CYP2J2: variants seen among roughly 807,000 people sequenced by gnomAD.
CYP2J2 encodes the protein cytochrome P450 2J2.
A neutral mutation model predicts 48.8 loss-of-function variants in CYP2J2; 41 were observed. The observed-to-expected ratio is 0.84, with a 90% CI of 0.66 to 1.09. The LOEUF is 1.09. Among genes scored for constraint, CYP2J2 ranks in the 50% least tolerant of loss-of-function variants. The pLI, the probability that CYP2J2 is intolerant of heterozygous loss-of-function variation, is 0.00. For missense variants in CYP2J2, 644 were observed against 617.3 expected, an observed-to-expected ratio of 1.04 and a Z score of -0.46; for synonymous variants, 221 against 227.1, an observed-to-expected ratio of 0.97 and a Z score of 0.24.
chr1:59,907,362 G>A (rs1644373659), intron 6 of CYP2J2, among the ~76,000 whole-genome samples: 1 of 152,156 alleles, frequency 6.6e-6, no homozygotes, highest in Non-Finnish European at 1.5e-5. Context: ...GGTAGGTGCG[G>A]CCAAGGCTAG....
chr1:59,935,025 T>TATATATATATATATATAC, the CYP2J2 span, among the ~76,000 whole-genome samples: 110 of 85,820 alleles, frequency 1.3e-3, 3 homozygotes, highest in East Asian at 7.0e-3. Context: ...CATATATATA[T>TATATATATATATATATAC]ATATATATAT....
At chr1:59,918,896 G>A (rs1482952895) in intron 1 of CYP2J2, among the ~76,000 whole-genome samples, 1 of 152,106 alleles carries the variant, frequency 6.6e-6, no homozygotes, top group African/African-American at 2.4e-5. Flanking sequence ...CAAAATAAAT[G>A]TTTACAGTAA....
chr1:59,894,886 C>T (rs911509615), intron 8 of CYP2J2, among the ~76,000 whole-genome samples: 1 of 152,136 alleles, frequency 6.6e-6, no homozygotes, highest in Admixed American at 6.5e-5. Context: ...ATTACTCAAA[C>T]AGCTTTCTGT....
the CYP2J2 span, among the ~76,000 whole-genome samples, chr1:59,936,053 C>A: frequency 1.3e-5 from 2 of 152,314 alleles, no homozygotes; most frequent in African/African-American, 4.8e-5. Context: ...AGGCGTGAGC[C>A]ACTGCGTCTG....
the CYP2J2 span, among the ~76,000 whole-genome samples, chr1:59,967,362 C>T: frequency 6.6e-6 from 1 of 152,190 alleles, no homozygotes; most frequent in Non-Finnish European, 1.5e-5. Flanking sequence ...ATGAGCCTGT[C>T]GGCTGGAAGA....
the CYP2J2 span, among the ~76,000 whole-genome samples, chr1:59,944,436 T>C: frequency 2.0e-5 from 3 of 152,208 alleles, no homozygotes; most frequent in Admixed American, 2.0e-4. Flanking sequence ...TTGGACAGGC[T>C]GGTCTTGAAC....
At chr1:59,900,852 A>T in intron 8 of CYP2J2, 113 bp downstream of exon 8, 1 of 1,228,112 alleles carries the variant, frequency 8.1e-7, no homozygotes, top group South Asian at 1.4e-5. Flanking sequence ...AGTGAGTCGC[A>T]CTGGCCAGGC....
In CYP2J2 at chr1:59,912,041, G is replaced by C. The variant is rs1210292652; in HGVS notation, c.523+121C>G. ...CTCTTTGAGGACAGAGTTGTTCACTGTTCTATCTTCCATTCCTAGCACAGT... is the reference window on the plus strand; with the variant it reads ...CTCTTTGAGGACAGAGTTGTTCACTCTTCTATCTTCCATTCCTAGCACAGT... On this transcript the variant is annotated intron_variant, in intron 3 of 8. Coordinates refer to ENST00000371204, the MANE Select transcript of CYP2J2 (RefSeq NM_000775.4). The C allele has an allele frequency of 2.9e-5, 33 of 1,145,442 alleles. No individual in the cohort carries two copies. The East Asian group carries it at 8.0e-4, about 28-fold the overall frequency. 71.0% of individuals were successfully genotyped at this position (1,145,442 alleles called of 1,614,324 possible). A position where few individuals can be genotyped will look rare whatever the true frequency, so the allele number is the denominator to read the frequency against.
chr1:59,939,664 G>C, the CYP2J2 span, among the ~76,000 whole-genome samples: 1 of 152,168 alleles, frequency 6.6e-6, no homozygotes, highest in African/African-American at 2.4e-5. Flanking sequence ...CCCTTCAGGG[G>C]CCAAGTTCCT....
intron 6 of CYP2J2, among the ~76,000 whole-genome samples, chr1:59,906,463 T>TA (rs1309071267): frequency 1.3e-5 from 2 of 152,044 alleles, no homozygotes; most frequent in Non-Finnish European, 2.9e-5. Flanking sequence ...TTTTTTTTTT[T>TA]ACCTGAAAGC....
At chr1:59,953,096 G>C in the CYP2J2 span, among the ~76,000 whole-genome samples, 1 of 152,196 alleles carries the variant, frequency 6.6e-6, no homozygotes, top group African/African-American at 2.4e-5. Flanking sequence ...GCTCTTCCAA[G>C]TGTGGGGATA....
At chr1:59,965,196 C>T in the CYP2J2 span, among the ~76,000 whole-genome samples, 2 of 152,102 alleles carry the variant, frequency 1.3e-5, no homozygotes, top group African/African-American at 2.4e-5. Context: ...CTTTTGGTAC[C>T]GTTAGGTTTG....
rs11572230 is a variant in CYP2J2, at chr1:59,919,329, T to C, written c.211-3229A>G. ...CTCATTGATAACGTGGAATTTCTAA[T>C]AAAAAGTTGGAAATATAATTTTATT... On this transcript the variant is annotated intron_variant, in intron 1 of 8. Transcript: ENST00000371204. 2.7e-3 allele frequency among the ~76,000 whole-genome samples: 404 copies of C among 152,352 alleles called. 1 individual carries two copies. The highest frequency in any genetic ancestry group is 9.2e-3 in the African/African-American group (381 of 41,590).
At chr1:59,953,076 C>T in the CYP2J2 span, among the ~76,000 whole-genome samples, 1 of 152,114 alleles carries the variant, frequency 6.6e-6, no homozygotes, top group Non-Finnish European at 1.5e-5. Context: ...CTCCTCTGGC[C>T]TGCTTAGTAG....
chr1:59,900,302 A>C (rs1379795877), intron 8 of CYP2J2, among the ~76,000 whole-genome samples: 1 of 152,154 alleles, frequency 6.6e-6, no homozygotes, highest in Non-Finnish European at 1.5e-5. Context: ...AGCCCTTAAA[A>C]AGAACTGAGG....
the CYP2J2 span, among the ~76,000 whole-genome samples, chr1:59,968,793 G>C: frequency 6.6e-6 from 1 of 152,232 alleles, no homozygotes; most frequent in African/African-American, 2.4e-5. Flanking sequence ...CTCCAACCAA[G>C]GTTCATGATG....
the CYP2J2 span, among the ~76,000 whole-genome samples, chr1:59,938,556 A>G: frequency 2.6e-5 from 4 of 152,272 alleles, no homozygotes; most frequent in Non-Finnish European, 5.9e-5. Flanking sequence ...TGCTGCCAAC[A>G]TGTCTCGCCT....
intron 6 of CYP2J2, among the ~76,000 whole-genome samples, chr1:59,906,525 T>C (rs1236336922): frequency 6.6e-6 from 1 of 151,988 alleles, no homozygotes; most frequent in Non-Finnish European, 1.5e-5. Context: ...AAAATACCCA[T>C]AACATAAAAT....
intron 8 of CYP2J2, among the ~76,000 whole-genome samples, chr1:59,895,730 A>G (rs912155620): frequency 3.3e-5 from 5 of 152,186 alleles, no homozygotes; most frequent in African/African-American, 1.2e-4. Context: ...TACATGTGCC[A>G]TGCTGGTGCG....
Sources: allele counts gnomAD v4.1 joint callset (sites outside exome capture counted in the v4.1 genomes callset), GRCh38; gene constraint gnomAD v4.1.1; transcripts MANE v1.5; gene names NCBI Gene and HGNC (gene_info 2026-07-23, HGNC 2026-07-21).